COL19A1: variants seen among roughly 807,000 people sequenced by gnomAD.
COL19A1 encodes collagen type XIX alpha 1 chain.
A neutral mutation model predicts 190.2 loss-of-function variants in COL19A1; 159 were observed. The observed-to-expected ratio is 0.84, with a 90% CI of 0.73 to 0.95. The LOEUF (loss-of-function observed/expected upper bound fraction) is 0.95. Ranked by LOEUF, COL19A1 falls within the 40% of genes least tolerant of loss-of-function variation. COL19A1 has a pLI of 0.00. For synonymous variants in COL19A1, 509 were observed against 458.9 expected, an observed-to-expected ratio of 1.11 and a Z score of -1.39; for missense variants, 1,418 against 1,431.9, an observed-to-expected ratio of 0.99 and a Z score of 0.16.
chr6:70,067,377 A>T (rs1781301331), intron 14 of COL19A1, among the ~76,000 whole-genome samples: 1 of 152,096 alleles, frequency 6.6e-6, no homozygotes, highest in Non-Finnish European at 1.5e-5. Context: ...AGAGAGTTGA[A>T]TGTGGAGAAT....
At chr6:70,104,170 T>C (rs1783809952) in intron 16 of COL19A1, among the ~76,000 whole-genome samples, 1 of 152,100 alleles carries the variant, frequency 6.6e-6, no homozygotes, top group African/African-American at 2.4e-5. Context: ...ATTGGGGGAA[T>C]GAGGGGGTGA....
At chr6:69,883,109 G>C (rs908043357) in intron 2 of COL19A1, among the ~76,000 whole-genome samples, 2 of 152,176 alleles carry the variant, frequency 1.3e-5, no homozygotes, top group African/African-American at 4.8e-5. Flanking sequence ...TGAACACCTG[G>C]AAAGCAGTCA....
intron 16 of COL19A1, among the ~76,000 whole-genome samples, chr6:70,114,843 A>G (rs375084828): frequency 3.9e-5 from 6 of 152,228 alleles, no homozygotes; most frequent in Non-Finnish European, 7.3e-5. Flanking sequence ...TCTATTTTCA[A>G]TGTGAACAAA....
chr6:69,880,744 G>T (rs528652961), intron 2 of COL19A1, among the ~76,000 whole-genome samples: 1 of 152,180 alleles, frequency 6.6e-6, no homozygotes, highest in Non-Finnish European at 1.5e-5. Flanking sequence ...CATACAATTT[G>T]GGGGGGAAAC....
rs78328811 is a variant in COL19A1 at position 70,099,168 on chromosome 6, C to T, written c.1225-3001C>T. ...TCCACCCACATTTCTCATCCATCCA[C>T]CCCTCTCCTCTATCCTCCACAAGTC... On this transcript the variant is annotated intron_variant, in intron 15 of 50. Transcript: ENST00000620364. Among the ~76,000 whole-genome samples, 976 of 152,118 alleles carry T rather than the reference C, an allele frequency of 6.4e-3. 11 individuals are homozygous for T. The highest frequency in any genetic ancestry group is 0.021 in the African/African-American group (888 of 41,514).
intron 46 of COL19A1, among the ~76,000 whole-genome samples, chr6:70,185,520 A>G (rs1472561588): frequency 6.6e-6 from 1 of 152,204 alleles, no homozygotes; most frequent in Non-Finnish European, 1.5e-5. Context: ...CTGAAAGTAT[A>G]GTGAAGTTAC....
intron 16 of COL19A1, among the ~76,000 whole-genome samples, chr6:70,106,484 A>G (rs1783976075): frequency 6.6e-6 from 1 of 152,216 alleles, no homozygotes; most frequent in Non-Finnish European, 1.5e-5. Context: ...TTTGTGAATC[A>G]GTGTTTCATG....
chr6:69,989,725 A>AATT (rs1391466311), intron 11 of COL19A1, among the ~76,000 whole-genome samples: 1 of 152,000 alleles, frequency 6.6e-6, no homozygotes, highest in Non-Finnish European at 1.5e-5. Context: ...ATTAGACTAA[A>AATT]ATTTAAGAGC....
intron 4 of COL19A1, among the ~76,000 whole-genome samples, chr6:69,918,697 C>A (rs373848540): frequency 5.9e-5 from 9 of 152,046 alleles, no homozygotes; most frequent in African/African-American, 2.2e-4. Flanking sequence ...CAGAGTGAGA[C>A]CCTGCCGCAA....
At chr6:70,121,263 T>C (rs1328008862) in intron 16 of COL19A1, among the ~76,000 whole-genome samples, 2 of 152,166 alleles carry the variant, frequency 1.3e-5, no homozygotes, top group African/African-American at 2.4e-5. Context: ...GACAGCCAAA[T>C]GTATTTGCTT....
chr6:69,924,433 C>T (rs1454550070), intron 4 of COL19A1, among the ~76,000 whole-genome samples: 7 of 152,092 alleles, frequency 4.6e-5, no homozygotes, highest in Admixed American at 4.6e-4. Flanking sequence ...GACATGAACT[C>T]GTCATTTTTT....
intron 7 of COL19A1, 87 bp downstream of exon 7, chr6:69,932,950 C>A: frequency 1.2e-6 from 1 of 829,372 alleles, no homozygotes; most frequent in Non-Finnish European, 1.9e-6. Context: ...TGTAGGGTAG[C>A]ACTGAGTGTG....
At position 70,188,264 on chromosome 6, in the gene COL19A1, C is replaced by T; in HGVS notation, c.3027+19C>T. The stretch of plus-strand genomic sequence containing the variant: ...CATTCCGGTAAGTAGTGCTAAGACG[C>T]TTTAGGGCTCCTGGCTTGTACCGAC... On this transcript the variant is annotated intron_variant, in intron 47 of 50. Coordinates refer to ENST00000620364, the MANE Select transcript of COL19A1 (RefSeq NM_001858.6). 6.3e-7 allele frequency: 1 copy of T among 1,583,300 alleles called. No homozygotes were observed.
chr6:69,927,862 T>C (rs1191152321), intron 4 of COL19A1, 47 bp from the exon 5 acceptor site: 1 of 1,566,574 alleles, frequency 6.4e-7, no homozygotes, highest in South Asian at 1.2e-5. Context: ...TTTATTTTCT[T>C]GCAATCTCCA....
intron 11 of COL19A1, among the ~76,000 whole-genome samples, chr6:69,994,125 A>G (rs1776772997): frequency 6.6e-6 from 1 of 152,150 alleles, no homozygotes; most frequent in Admixed American, 6.6e-5. Context: ...AAAGTAAATA[A>G]CATATATGGA....
intron 11 of COL19A1, among the ~76,000 whole-genome samples, chr6:69,979,955 A>G (rs1337678095): frequency 6.6e-6 from 1 of 151,998 alleles, no homozygotes; most frequent in Non-Finnish European, 1.5e-5. Context: ...CATTTTCTTT[A>G]AAATTATAAC....
chr6:70,133,003 G>T (rs546463522), intron 18 of COL19A1, among the ~76,000 whole-genome samples: 1 of 152,272 alleles, frequency 6.6e-6, no homozygotes, highest in South Asian at 2.1e-4. Flanking sequence ...CTAAAGATTT[G>T]TTCTTTTCTA....
At chr6:70,025,904 T>C (rs1457702359) in intron 12 of COL19A1, among the ~76,000 whole-genome samples, 1 of 152,216 alleles carries the variant, frequency 6.6e-6, no homozygotes, top group African/African-American at 2.4e-5. Context: ...TGATTGGAGT[T>C]GAAAACTCAA....
rs760870570 is a variant in COL19A1 at position 70,180,526 on chromosome 6, A to G, written c.2775+3A>G. ...CAGAAGGACCCTCAGGAAAGCCAGT[A>G]AGTACTTCTTACTACTTAAAATATG... On this transcript the variant is annotated splice_donor_region_variant and intron_variant, in intron 44 of 50. Transcript: ENST00000620364. 5 of 1,613,942 alleles carry G rather than the reference A, an allele frequency of 3.1e-6. No individual in the cohort carries two copies. Among genetic ancestry groups the G allele is most frequent in the Non-Finnish European group, 3.4e-6 (4 of 1,179,944 alleles).
Sources: gnomAD v4.1 joint callset for allele counts (sites outside exome capture counted in the v4.1 genomes callset) on GRCh38, gnomAD v4.1.1 for gene constraint, MANE v1.5 for transcripts, NCBI Gene and HGNC (gene_info 2026-07-23, HGNC 2026-07-21) for gene names.